The following OR56A4 variants were observed in gnomAD, a reference collection of about 807,000 sequenced individuals.
OR56A4 encodes the protein olfactory receptor 56A4.
OR56A4 carries 9 observed loss-of-function variants against 13.6 expected under a neutral mutation model. The ratio of observed to expected loss-of-function variants is 0.66; its 90% CI spans 0.40 to 1.15. The LOEUF (loss-of-function observed/expected upper bound fraction) is 1.15, where lower values mean the gene tolerates loss of function less well. Among genes scored for constraint, OR56A4 ranks in the 50% most tolerant of loss-of-function variants. The pLI is 0.01. For missense variants in OR56A4, 380 were observed against 375.9 expected, an observed-to-expected ratio of 1.01 and a Z score of -0.09; for synonymous variants, 167 against 153.9, an observed-to-expected ratio of 1.08 and a Z score of -0.63.
intron 2 of OR56A4, among the ~76,000 whole-genome samples, chr11:6,005,504 G>C (rs1449025742): frequency 1.3e-5 from 2 of 152,212 alleles, no homozygotes; most frequent in Admixed American, 6.5e-5. Context: ...GGTAGGCATT[G>C]TCACGTACAT....
chr11:6,003,146 C>A, intron 2 of OR56A4, 118 bp from the exon 3 acceptor site: 1 of 1,556,296 alleles, frequency 6.4e-7, no homozygotes, highest in Non-Finnish European at 8.7e-7. Flanking sequence ...TCACTGTCAT[C>A]ATCCTCCCTT....
intron 2 of OR56A4, among the ~76,000 whole-genome samples, chr11:6,004,265 C>T (rs2133575611): frequency 6.6e-6 from 1 of 152,170 alleles, no homozygotes; most frequent in Non-Finnish European, 1.5e-5. Flanking sequence ...GACAGAATTG[C>T]TTGAACCAGA....
Position 6,001,956 on chromosome 11 carries a change from A to C in OR56A4, c.*95T>G. On this transcript the variant is annotated 3_prime_UTR_variant, in exon 3 of 3. Transcript: ENST00000641156. ...GAATCCGAACTCAGGCAGGATTTAAAGTGAAATTTCCTTTCCAACATAAAA... is the reference window on the plus strand; with the variant it reads ...GAATCCGAACTCAGGCAGGATTTAACGTGAAATTTCCTTTCCAACATAAAA... 1 of 1,280,282 alleles carries C rather than the reference A, an allele frequency of 7.8e-7. No homozygotes were observed. Among genetic ancestry groups the C allele is most frequent in the Non-Finnish European group, 1.1e-6 (1 of 938,382 alleles). 79.3% of individuals were successfully genotyped at this position (1,280,282 alleles called of 1,614,324 possible). A position where few individuals can be genotyped will look rare whatever the true frequency, so the allele number is the denominator to read the frequency against.
At position 6,002,763 on chromosome 11, in the gene OR56A4, C is replaced by T; in HGVS notation, c.230G>A (p.Cys77Tyr). 1 of 1,613,906 alleles carries T rather than the reference C, an allele frequency of 6.2e-7. No homozygotes were observed. Among genetic ancestry groups the T allele is most frequent in the Non-Finnish European group, 8.5e-7 (1 of 1,179,946 alleles). Residue 77 changes from cysteine (C) to tyrosine (Y), a missense_variant, in exon 3 of 3, where the codon TGC becomes TAC. By Grantham distance (194) the Cys-to-Tyr change is radical. Coordinates refer to ENST00000641156, the MANE Select transcript of OR56A4 (RefSeq NM_001005179.4). ...CAGGACCTTGGGGATGACGGTGAGG[C>T]AGAGCACGATGTCCAGCAGGGAGAG... ...SLLSLLDIVL[C>Y]LTVIPKVLAI...
rs1409595876 is a variant in OR56A4, at chr11:6,004,605, C to A, written c.-36-1577G>T. On this transcript the variant is annotated intron_variant, in intron 2 of 2. Transcript: ENST00000641156. ...ATATACATTATTTAAAAAAATTTAC[C>A]CATTGTAGGGCCTTAAAACAAACCA... 2.6e-5 allele frequency among the ~76,000 whole-genome samples: 4 copies of A among 151,994 alleles called. No homozygotes were observed. The South Asian group carries it at 8.3e-4, about 32-fold the overall frequency.
At chr11:6,005,290 G>A (rs1564811305) in intron 2 of OR56A4, among the ~76,000 whole-genome samples, 1 of 152,148 alleles carries the variant, frequency 6.6e-6, no homozygotes, top group Non-Finnish European at 1.5e-5. Flanking sequence ...ATTTCGTGGG[G>A]GAGAATAAAG....
At chr11:6,004,278 T>TG (rs903174203) in intron 2 of OR56A4, among the ~76,000 whole-genome samples, 7 of 151,850 alleles carry the variant, frequency 4.6e-5, no homozygotes, top group Admixed American at 3.9e-4. Flanking sequence ...GAACCAGACC[T>TG]GGGGGGCGGA....
chr11:6,005,111 C>G (rs1368550659), intron 2 of OR56A4, among the ~76,000 whole-genome samples: 1 of 152,118 alleles, frequency 6.6e-6, no homozygotes, highest in Non-Finnish European at 1.5e-5. Flanking sequence ...AACCTAAAAG[C>G]TATTTCAATT....
chr11:6,003,861 G>T (rs1254849457), intron 2 of OR56A4, among the ~76,000 whole-genome samples: 1 of 152,156 alleles, frequency 6.6e-6, no homozygotes, highest in Non-Finnish European at 1.5e-5. Flanking sequence ...CCACTTACCT[G>T]GTAAGTAAAA....
Position 6,002,771 on chromosome 11 carries a change from G to C in OR56A4, c.222C>G (p.Ile74Met), listed in dbSNP as rs141110808. The change falls in exon 3 of 3, where the codon ATC becomes ATG. Residue 74 changes from isoleucine to methionine, a missense_variant. Coordinates refer to ENST00000641156, the MANE Select transcript of OR56A4 (RefSeq NM_001005179.4). ...TGGGGATGACGGTGAGGCAGAGCACGATGTCCAGCAGGGAGAGGAGGCTGA... is the reference window on the plus strand; with the variant it reads ...TGGGGATGACGGTGAGGCAGAGCACCATGTCCAGCAGGGAGAGGAGGCTGA... ...YLLSLLSLLDIVLCLTVIPKV... is the reference protein window; with the variant it reads ...YLLSLLSLLDMVLCLTVIPKV... 2.0e-4 allele frequency: 325 copies of C among 1,613,834 alleles called. No homozygotes were observed. Among genetic ancestry groups the C allele is most frequent in the Admixed American group, 4.0e-4 (24 of 60,000 alleles).
chr11:6,005,069 ATGACAATTC>A (rs1372384128), intron 2 of OR56A4, among the ~76,000 whole-genome samples: 4 of 152,178 alleles, frequency 2.6e-5, no homozygotes, highest in Non-Finnish European at 5.9e-5. Context: ...GCAGAAACAA[ATGACAATTC>A]TGGCTCTTAT....
Position 6,002,893 on chromosome 11 carries a change from G to A in OR56A4, c.100C>T (p.Leu34Phe), listed in dbSNP as rs1408294251. The A allele has an allele frequency of 1.2e-6, 2 of 1,614,128 alleles. No homozygotes were observed. The highest frequency in any genetic ancestry group is 1.7e-6 in the Non-Finnish European group (2 of 1,179,992). The change falls in exon 3 of 3, where the codon CTC becomes TTC. Residue 34 changes from leucine to phenylalanine, a missense_variant. Leu to Phe is a conservative substitution (Grantham distance 22). Transcript: ENST00000641156. ...QSWQHWLSLP[L>F]SLLFLLAMGA... is the part of the protein sequence containing the mutation. ...ATGGCCAGGAGGAAGAGAAGGCTGAGGGGCAGAGACAACCAGTGCTGCCAG... is the reference window on the plus strand; with the variant it reads ...ATGGCCAGGAGGAAGAGAAGGCTGAAGGGCAGAGACAACCAGTGCTGCCAG...
rs1001178058 is a variant in OR56A4 at position 6,006,410 on chromosome 11, T to C, written c.-191-7A>G. ...CATCAGTTCATACCCTAGACTGATATTCACAAAGGAGTGGTCATTGTGGTT... is the reference window on the plus strand; with the variant it reads ...CATCAGTTCATACCCTAGACTGATACTCACAAAGGAGTGGTCATTGTGGTT... On this transcript the variant is annotated splice_region_variant and splice_polypyrimidine_tract_variant and intron_variant, in intron 1 of 2. Coordinates refer to ENST00000641156, the MANE Select transcript of OR56A4 (RefSeq NM_001005179.4). The C allele has an allele frequency of 6.6e-6, 1 of 152,224 alleles. No individual in the cohort carries two copies. Among genetic ancestry groups the C allele is most frequent in the African/African-American group, 2.4e-5 (1 of 41,458 alleles). 9.4% of individuals were successfully genotyped at this position (152,224 alleles called of 1,614,324 possible).
chr11:6,002,029 G>T lies in OR56A4; in HGVS notation c.*22C>A. 1 of 1,524,164 alleles carries T rather than the reference G, an allele frequency of 6.6e-7. No individual in the cohort carries two copies. Among genetic ancestry groups the T allele is most frequent in the Non-Finnish European group, 8.8e-7 (1 of 1,137,188 alleles). The allele number at this position is 1,524,164 out of a possible 1,614,324, so 94.4% of individuals were successfully genotyped here. ...TCACTAACAATTAACAACTCTAAAG[G>T]TGGATCTAATCCTTTTTATTCTTAC... On this transcript the variant is annotated 3_prime_UTR_variant, in exon 3 of 3. Coordinates refer to ENST00000641156, the MANE Select transcript of OR56A4 (RefSeq NM_001005179.4).
In OR56A4 at chr11:6,002,830, C is replaced by G; in HGVS notation, c.163G>C (p.Glu55Gln). Reference protein sequence around the residue: ...NTTLLITIQLEASLHQPLYYL... With the variant: ...NTTLLITIQLQASLHQPLYYL... Reference sequence around the variant, plus strand: ...TACAGGGGCTGGTGCAGAGAGGCCTCCAGCTGGATGGTGATCAGGAGGGTG... The same window carrying G: ...TACAGGGGCTGGTGCAGAGAGGCCTGCAGCTGGATGGTGATCAGGAGGGTG... The change falls in exon 3 of 3, where the codon GAG becomes CAG. Residue 55 changes from glutamate to glutamine, a missense_variant. Physicochemically the swap from Glu to Gln is conservative, Grantham distance 29. Transcript: ENST00000641156. The G allele has an allele frequency of 6.2e-7, 1 of 1,613,788 alleles. No homozygotes were observed. Among genetic ancestry groups the G allele is most frequent in the East Asian group, 2.2e-5 (1 of 44,884 alleles).
rs1387644568 is a variant in OR56A4, at chr11:6,002,334, G to T, written c.659C>A (p.Ser220Tyr). The change falls in exon 3 of 3, where the codon TCC (serine) becomes TAC (tyrosine). Residue 220 changes from serine (S) to tyrosine (Y), a missense_variant. By Grantham distance (144) the Ser-to-Tyr change is moderately radical. Coordinates refer to ENST00000641156, the MANE Select transcript of OR56A4 (RefSeq NM_001005179.4). ...LGSDLILIVI[S>Y]YSFILKVVLR... ...CACAACTTTCAATATAAAAGAATAG[G>T]AGATAACAATAAGGATAAGATCAGA... 6.2e-7 allele frequency: 1 copy of T among 1,614,104 alleles called. No homozygotes were observed.
chr11:6,006,637 G>T (rs1848261494), intron 1 of OR56A4, among the ~76,000 whole-genome samples: 1 of 152,174 alleles, frequency 6.6e-6, no homozygotes, highest in Non-Finnish European at 1.5e-5. Context: ...TAGGCACAGA[G>T]CCTTGACCTC....
chr11:6,002,793 C>T lies in OR56A4; in HGVS notation c.200G>A (p.Ser67Asn). The change falls in exon 3 of 3, where the codon AGC becomes AAC. Residue 67 changes from serine (S) to asparagine (N), a missense_variant. Transcript: ENST00000641156. The stretch of plus-strand genomic sequence containing the variant: ...CACGATGTCCAGCAGGGAGAGGAGG[C>T]TGAGCAGGTAGTACAGGGGCTGGTG... ...SLHQPLYYLL[S>N]LLSLLDIVLC... 6.2e-7 allele frequency: 1 copy of T among 1,613,558 alleles called. No homozygotes were observed. Among genetic ancestry groups the T allele is most frequent in the Non-Finnish European group, 8.5e-7 (1 of 1,179,814 alleles).
rs1363900866 is a variant in OR56A4, at chr11:5,999,832, C to T, written c.*2219G>A. 6.6e-6 allele frequency: 1 copy of T among 152,162 alleles called. No individual in the cohort carries two copies. The highest frequency in any genetic ancestry group is 1.5e-5 in the Non-Finnish European group (1 of 68,032). 9.4% of individuals were successfully genotyped at this position (152,162 alleles called of 1,614,324 possible). Reference sequence around the variant, plus strand: ...TAAAATACTCTCAACCTAAAAGAAGCTTATGACAGTGTCAGAGAAAGAAAT... The same window carrying T: ...TAAAATACTCTCAACCTAAAAGAAGTTTATGACAGTGTCAGAGAAAGAAAT... On this transcript the variant is annotated 3_prime_UTR_variant, in exon 3 of 3. Coordinates refer to ENST00000641156, the MANE Select transcript of OR56A4 (RefSeq NM_001005179.4).
Sources: gnomAD v4.1 joint callset for allele counts (sites outside exome capture counted in the v4.1 genomes callset) on GRCh38, gnomAD v4.1.1 for gene constraint, MANE v1.5 for transcripts, NCBI Gene and HGNC (gene_info 2026-07-23, HGNC 2026-07-21) for gene names.